NBPF10: variants seen among roughly 807,000 people sequenced by gnomAD.
NBPF10 encodes the protein NBPF member 10, also known as NBPF family member NBPF10.
In NBPF10, 63 loss-of-function variants were observed where a neutral mutation model predicts 77.9. The ratio of observed to expected loss-of-function variants is 0.81; its 90% CI spans 0.66 to 1.00. The LOEUF (loss-of-function observed/expected upper bound fraction) is 1.00, where lower values mean the gene tolerates loss of function less well. Among genes scored for constraint, NBPF10 ranks in the 50% least tolerant of loss-of-function variants. The pLI is 0.00. For missense variants in NBPF10, 522 were observed against 679.8 expected (o/e 0.77, Z 2.58); for synonymous variants, 146 against 264.5 (o/e 0.55, Z 4.35).
intron 7 of NBPF10, among the ~76,000 whole-genome samples, chr1:146,135,728 C>T (rs1312683702): frequency 6.9e-6 from 1 of 144,208 alleles, no homozygotes; most frequent in Non-Finnish European, 1.5e-5. Flanking sequence ...CTTGCAAGAT[C>T]CTCGATGATG....
At chr1:146,069,353 C>T (rs1553779234) in intron 86 of NBPF10, among the ~76,000 whole-genome samples, 190 bp downstream of exon 86, 2 of 91,814 alleles carry the variant, frequency 2.2e-5, no homozygotes, top group East Asian at 4.8e-4. Context: ...AGGAAGAGAG[C>T]CTTGCTCACT....
In NBPF10 at chr1:146,069,314, T is replaced by C. The variant is rs1240271674; in HGVS notation, c.10810+229A>G. Among the ~76,000 whole-genome samples, 4 of 91,428 alleles carry C rather than the reference T, an allele frequency of 4.4e-5. No individual in the cohort carries two copies. In the South Asian group the frequency reaches 1.2e-3, roughly 27 times the overall value. 60.0% of individuals were successfully genotyped at this position (91,428 alleles called of 152,430 possible). A position where few individuals can be genotyped will look rare whatever the true frequency, so the allele number is the denominator to read the frequency against. On this transcript the variant is annotated intron_variant, in intron 86 of 89. Transcript: ENST00000583866. ...CAGATCCAACATCTTGAGAGTAGGA[T>C]TAGGGCGCCACAGGCATGGCCTGAG...
intron 13 of NBPF10, among the ~76,000 whole-genome samples, chr1:146,126,646 A>T (rs1425694748): frequency 2.3e-5 from 3 of 128,194 alleles, no homozygotes; most frequent in Admixed American, 8.0e-5. Context: ...GAGCGAGCTC[A>T]GTCAATTGGT....
At chr1:146,080,999 A>ACT (rs1656252690) in intron 71 of NBPF10, among the ~76,000 whole-genome samples, 1 of 80,462 alleles carries the variant, frequency 1.2e-5, no homozygotes. Flanking sequence ...ACACACACAC[A>ACT]CACACACACA....
Position 146,142,556 on chromosome 1 carries a change from G to A in NBPF10, c.278+94C>T, listed in dbSNP as rs1420124061. On this transcript the variant is annotated intron_variant, in intron 2 of 89. Transcript: ENST00000583866. ...CCATGGCAATTTCTGCCCTTCCCCT[G>A]GCCCAGCTTCGTTCTTACTTCTCCC... 4.1e-5 allele frequency: 26 copies of A among 639,236 alleles called. 5 individuals are homozygous for A. Among genetic ancestry groups the A allele is most frequent in the Non-Finnish European group, 5.6e-6 (2 of 358,264 alleles). 39.6% of individuals were successfully genotyped at this position (639,236 alleles called of 1,614,324 possible).
Position 146,142,560 on chromosome 1 carries a change from C to A in NBPF10, c.278+90G>T, listed in dbSNP as rs587673861. The A allele has an allele frequency of 1.1e-4, 72 of 646,632 alleles. 17 individuals are homozygous for A. In the East Asian group the frequency reaches 2.3e-3, roughly 20 times the overall value. The allele number at this position is 646,632 out of a possible 1,614,324, so 40.1% of individuals were successfully genotyped here. A position where few individuals can be genotyped will look rare whatever the true frequency, so the allele number is the denominator to read the frequency against. On this transcript the variant is annotated intron_variant, in intron 2 of 89. Coordinates refer to ENST00000583866, the Ensembl canonical transcript of NBPF10. ...GGCAATTTCTGCCCTTCCCCTGGCC[C>A]AGCTTCGTTCTTACTTCTCCCCGCC...
chr1:146,142,479 G>C (rs1476342094), intron 2 of NBPF10, among the ~76,000 whole-genome samples, 171 bp downstream of exon 2: 6 of 131,418 alleles, frequency 4.6e-5, no homozygotes, highest in African/African-American at 1.5e-4. Flanking sequence ...CTGCAACACA[G>C]AACTTATTAT....
In NBPF10 at chr1:146,142,491, A is replaced by C. The variant is rs1259820002; in HGVS notation, c.278+159T>G. Among the ~76,000 whole-genome samples the C allele has an allele frequency of 1.5e-5, 2 of 131,122 alleles. 1 individual carries two copies. Among genetic ancestry groups the C allele is most frequent in the African/African-American group, 5.0e-5 (2 of 39,760 alleles). The allele number at this position is 131,122 out of a possible 152,430, so 86.0% of individuals were successfully genotyped here. ...CAACTGCAACACAGAACTTATTATT[A>C]TCCTTGCTCTCTGATAAATATTTGT... On this transcript the variant is annotated intron_variant, in intron 2 of 89. Coordinates refer to ENST00000583866, the Ensembl canonical transcript of NBPF10.
intron 89 of NBPF10, 115 bp from the exon 90 acceptor site, chr1:146,066,676 C>G (rs1235295799): frequency 1.5e-5 from 8 of 528,494 alleles, no homozygotes; most frequent in Non-Finnish European, 2.7e-5. Context: ...AGGATAGAAC[C>G]ATTAATGAGG....
Position 146,135,381 on chromosome 1 carries a change from T to A in NBPF10, c.1232A>T (p.Gln411Leu), listed in dbSNP as rs782787844. 2.3e-6 allele frequency: 3 copies of A among 1,288,824 alleles called. No individual in the cohort carries two copies. In the East Asian group the frequency reaches 6.9e-5, roughly 30 times the overall value. 79.8% of individuals were successfully genotyped at this position (1,288,824 alleles called of 1,614,324 possible). ...CAGCTGTTCTTGGAGGTCCTGCCCC[T>A]GGGACTTGTCCGGCTCATACGGAGT... Residue 411 changes from glutamine to leucine, a missense_variant, in exon 8 of 90, where the codon CAG becomes CTG. Gln to Leu is a moderately radical substitution (Grantham distance 113). This residue lies in a region of NBPF10 where 45 missense variants were observed against 121.0 expected (regional missense o/e 0.37). Transcript: ENST00000583866.
In NBPF10 at chr1:146,136,579, AG is replaced by A; in HGVS notation, c.989-125del. 3 of 619,598 alleles carry A rather than the reference AG, an allele frequency of 4.8e-6. No individual in the cohort carries two copies. In the South Asian group the frequency reaches 5.7e-5, roughly 12 times the overall value. 38.4% of individuals were successfully genotyped at this position (619,598 alleles called of 1,614,324 possible). A position where few individuals can be genotyped will look rare whatever the true frequency, so the allele number is the denominator to read the frequency against. On this transcript the variant is annotated intron_variant, in intron 6 of 89. Coordinates refer to ENST00000583866, the Ensembl canonical transcript of NBPF10. ...CTCTCCCCAGTACCAGGGTCTAGAC[AG>A]GGATTTCCACATCTTTACTCTTCAG...
At chr1:146,126,161 G>T in intron 14 of NBPF10, 75 bp downstream of exon 14, 1 of 915,486 alleles carries the variant, frequency 1.1e-6, no homozygotes, top group Non-Finnish European at 1.8e-6. Flanking sequence ...CTCAGTAACG[G>T]CCACTTGCAG....
In NBPF10 at chr1:146,136,531, C is replaced by A. The variant is rs1659728125; in HGVS notation, c.989-76G>T. The A allele has an allele frequency of 5.3e-5, 53 of 1,008,180 alleles. No homozygotes were observed. The South Asian group carries it at 6.3e-4, about 12-fold the overall frequency. The allele number at this position is 1,008,180 out of a possible 1,614,324, so 62.5% of individuals were successfully genotyped here. A position where few individuals can be genotyped will look rare whatever the true frequency, so the allele number is the denominator to read the frequency against. ...GTGGTCATTGCCTACAGGACAGGAG[C>A]CAGGTCCATCCCAAGGACAAAACTC... On this transcript the variant is annotated intron_variant, in intron 6 of 89. Coordinates refer to ENST00000583866, the Ensembl canonical transcript of NBPF10.
At chr1:146,067,054 AG>A in intron 89 of NBPF10, 125 bp downstream of exon 89, 1 of 547,776 alleles carries the variant, frequency 1.8e-6, no homozygotes, top group Admixed American at 3.0e-5. Context: ...GAAAACCAAC[AG>A]CAATGACAGT....
chr1:146,081,055 C>A (rs1410451270), intron 71 of NBPF10, among the ~76,000 whole-genome samples: 19 of 39,192 alleles, frequency 4.8e-4, no homozygotes, highest in African/African-American at 1.1e-3. Context: ...AGAACGAGCT[C>A]AGTGAATTGT....
At chr1:146,126,363 C>G in exon 14 of NBPF10, 2 of 1,391,046 alleles carry the variant, frequency 1.4e-6, no homozygotes, top group Non-Finnish European at 2.0e-6. Flanking sequence ...CCTGTGAGTC[C>G]TGCAAGACTT....
chr1:146,126,347 A>G lies in NBPF10; in HGVS notation c.1915T>C (p.Cys639Arg), dbSNP rs1553789919. The change falls in exon 14 of 90, where the codon TGT becomes CGT. Residue 639 changes from cysteine to arginine, a missense_variant. Physicochemically the swap from Cys to Arg is radical, Grantham distance 180. Transcript: ENST00000583866. Reference sequence around the variant, plus strand: ...AGACAACCTGAAGGAGTTGAATAACATCTATCCTGTGAGTCCTGCAAGACT... The same window carrying G: ...AGACAACCTGAAGGAGTTGAATAACGTCTATCCTGTGAGTCCTGCAAGACT... 9.6e-6 allele frequency: 13 copies of G among 1,355,006 alleles called. No homozygotes were observed. In the East Asian group the frequency reaches 2.5e-4, roughly 26 times the overall value. The allele number at this position is 1,355,006 out of a possible 1,614,324, so 83.9% of individuals were successfully genotyped here.
At chr1:146,067,543 C>A (rs1335757203) in intron 88 of NBPF10, among the ~76,000 whole-genome samples, 1 of 149,826 alleles carries the variant, frequency 6.7e-6, no homozygotes, top group Non-Finnish European at 1.5e-5. Flanking sequence ...TTTGTGCAAA[C>A]AGTTACGCCA....
At chr1:146,126,024 T>C (rs1394673189) in intron 14 of NBPF10, among the ~76,000 whole-genome samples, 1 of 151,776 alleles carries the variant, frequency 6.6e-6, no homozygotes, top group East Asian at 1.9e-4. Flanking sequence ...GCCACAGGCA[T>C]GGCCTGAGAC....
Sources: allele counts gnomAD v4.1 joint callset (sites outside exome capture counted in the v4.1 genomes callset), GRCh38; gene constraint gnomAD v4.1.1; regional missense constraint gnomAD v4.1.1; transcripts MANE v1.5; gene names NCBI Gene and HGNC (gene_info 2026-07-23, HGNC 2026-07-21).